Variants in ABCC4 observed in about 807,000 individuals in gnomAD.
ABCC4 encodes the protein ATP-binding cassette sub-family C member 4.
In ABCC4, 102 loss-of-function variants were observed where a neutral mutation model predicts 168.5. The ratio of observed to expected loss-of-function variants is 0.61; its 90% CI spans 0.52 to 0.71. The LOEUF (loss-of-function observed/expected upper bound fraction) is 0.71, where lower values mean the gene tolerates loss of function less well. Among genes scored for constraint, ABCC4 ranks in the 30% least tolerant of loss-of-function variants. The probability of loss-of-function intolerance (pLI) is 0.00; values close to 1 mark genes in which losing one functional copy is unlikely to be tolerated. For missense variants in ABCC4, 1,402 were observed against 1,605.8 expected, an observed-to-expected ratio of 0.87 and a Z score of 2.17; for synonymous variants, 617 against 590.7, an observed-to-expected ratio of 1.04 and a Z score of -0.65.
At chr13:95,037,942 T>G (rs1452594343) in intron 29 of ABCC4, among the ~76,000 whole-genome samples, 1 of 151,882 alleles carries the variant, frequency 6.6e-6, no homozygotes, top group Admixed American at 6.6e-5. Context: ...CTCGGTTCAC[T>G]GCAACCTCCA....
At chr13:95,165,181 T>A (rs532512844) in intron 15 of ABCC4, among the ~76,000 whole-genome samples, 1 of 152,080 alleles carries the variant, frequency 6.6e-6, no homozygotes, top group Non-Finnish European at 1.5e-5. Context: ...TACAAAAAGA[T>A]ATGGAACTCT....
At chr13:95,171,635 C>T (rs1178642369) in intron 13 of ABCC4, among the ~76,000 whole-genome samples, 1 of 151,966 alleles carries the variant, frequency 6.6e-6, no homozygotes, top group Non-Finnish European at 1.5e-5. Flanking sequence ...GAACATAACT[C>T]ATGCTCAATA....
chr13:95,194,989 C>T (rs954342564), intron 8 of ABCC4, 52 bp from the exon 9 acceptor site: 1 of 1,479,110 alleles, frequency 6.8e-7, no homozygotes. Flanking sequence ...AACAAAAGCA[C>T]AAACAAAAGT....
intron 4 of ABCC4, among the ~76,000 whole-genome samples, chr13:95,217,852 C>A (rs1215583398): frequency 1.3e-5 from 2 of 152,164 alleles, no homozygotes; most frequent in East Asian, 3.9e-4. Flanking sequence ...GACAGGGATG[C>A]TCCTCTCACA....
At chr13:95,168,948 T>C (rs780838532) in intron 14 of ABCC4, among the ~76,000 whole-genome samples, 1 of 152,182 alleles carries the variant, frequency 6.6e-6, no homozygotes, top group East Asian at 1.9e-4. Context: ...GATGAGGTCA[T>C]ACTGGAGTAG....
chr13:95,235,970 A>G (rs1484059346), intron 3 of ABCC4, among the ~76,000 whole-genome samples: 1 of 152,202 alleles, frequency 6.6e-6, no homozygotes, highest in African/African-American at 2.4e-5. Flanking sequence ...AGGCAAAATT[A>G]AAATCCCACA....
rs973072279 is a variant in ABCC4, at chr13:95,053,108, T to C, written c.3443A>G (p.Asn1148Ser). The C allele has an allele frequency of 2.0e-5, 32 of 1,613,780 alleles. No homozygotes were observed. Among genetic ancestry groups the C allele is most frequent in the Non-Finnish European group, 2.4e-5 (28 of 1,179,790 alleles). Residue 1148 changes from asparagine to serine, a missense_variant, in exon 27 of 31, where the codon AAT (asparagine) becomes AGT (serine). Coordinates refer to ENST00000645237, the MANE Select transcript of ABCC4 (RefSeq NM_005845.5). The stretch of plus-strand genomic sequence containing the variant: ...TTTATCAATTACCTCTTGTAAGGCA[T>C]TCCACAGTTCCTCATCCGTGTGCTC... ...FNEHTDEELWNALQEVQLKET... is the reference protein window; with the variant it reads ...FNEHTDEELWSALQEVQLKET...
intron 1 of ABCC4, among the ~76,000 whole-genome samples, chr13:95,273,206 C>CAATA (rs1268874052): frequency 6.6e-6 from 1 of 152,174 alleles, no homozygotes; most frequent in Non-Finnish European, 1.5e-5. Context: ...GTCGCCAAAC[C>CAATA]AATAGCACAT....
chr13:95,081,588 C>T (rs971057869), intron 21 of ABCC4, among the ~76,000 whole-genome samples: 2 of 152,198 alleles, frequency 1.3e-5, no homozygotes, highest in Non-Finnish European at 2.9e-5. Context: ...GAAAACCTTA[C>T]AAGACTAGAC....
intron 20 of ABCC4, among the ~76,000 whole-genome samples, chr13:95,113,868 T>G (rs1439889168): frequency 6.6e-6 from 1 of 152,198 alleles, no homozygotes; most frequent in Admixed American, 6.5e-5. Context: ...GAAATGTCCC[T>G]CAAAGAATCA....
intron 19 of ABCC4, among the ~76,000 whole-genome samples, chr13:95,134,404 G>A (rs922902139): frequency 8.5e-5 from 13 of 152,258 alleles, no homozygotes; most frequent in African/African-American, 2.6e-4. Context: ...AAATGCTGCA[G>A]ACTATTCTAG....
At position 95,200,096 on chromosome 13, in the gene ABCC4, C is replaced by A. The variant is rs115745550; in HGVS notation, c.1162-5159G>T. On this transcript the variant is annotated intron_variant, in intron 8 of 30. Coordinates refer to ENST00000645237, the MANE Select transcript of ABCC4 (RefSeq NM_005845.5). ...TTTATTAACCCCCACTTGATGATTC[C>A]CAGGAGGAAGTTCCCAGCAGGAAGG... Among the ~76,000 whole-genome samples, 1,029 of 152,206 alleles carry A rather than the reference C, an allele frequency of 6.8e-3. 7 individuals carry two copies. The highest frequency in any genetic ancestry group is 0.023 in the African/African-American group (962 of 41,506).
chr13:95,176,105 G>A (rs1259227861), intron 13 of ABCC4, among the ~76,000 whole-genome samples: 8 of 151,726 alleles, frequency 5.3e-5, no homozygotes, highest in South Asian at 2.1e-4. Context: ...AGCCAAGCCC[G>A]GCCCTCAGTG....
chr13:95,275,554 T>C (rs2040951131), intron 1 of ABCC4, among the ~76,000 whole-genome samples: 1 of 152,114 alleles, frequency 6.6e-6, no homozygotes, highest in Non-Finnish European at 1.5e-5. Context: ...TCAGGCCTAC[T>C]TCTTTGTAAC....
At chr13:95,034,895 G>A (rs530778417) in intron 29 of ABCC4, among the ~76,000 whole-genome samples, 156 bp from the exon 30 acceptor site, 2 of 152,230 alleles carry the variant, frequency 1.3e-5, no homozygotes, top group East Asian at 3.9e-4. Flanking sequence ...CCTGTTTTAC[G>A]AAGCAAACAA....
chr13:95,130,529 G>A (rs1000884595), intron 19 of ABCC4, among the ~76,000 whole-genome samples: 4 of 152,142 alleles, frequency 2.6e-5, no homozygotes, highest in African/African-American at 4.8e-5. Context: ...TAAACATACC[G>A]TGGCAAAACA....
intron 5 of ABCC4, among the ~76,000 whole-genome samples, 142 bp downstream of exon 5, chr13:95,210,524 ACAGGAGGATCGCACATCACTTGAGCC>A: frequency 6.6e-6 from 1 of 152,176 alleles, no homozygotes. Flanking sequence ...GGAGGCTGAG[ACAGGAGGATCGCACATCACTTGAGCC>A]CAGGAGTTCA....
chr13:95,246,049 C>T (rs2040096869), intron 3 of ABCC4, among the ~76,000 whole-genome samples: 1 of 152,174 alleles, frequency 6.6e-6, no homozygotes, highest in African/African-American at 2.4e-5. Flanking sequence ...CTCTGCATCT[C>T]CTCTAGCAGG....
At chr13:95,162,206 T>C (rs752474081) in intron 18 of ABCC4, among the ~76,000 whole-genome samples, 1 of 152,174 alleles carries the variant, frequency 6.6e-6, no homozygotes. Flanking sequence ...ACATAATAGA[T>C]TTCCTTCTTC....
Sources: gnomAD v4.1 joint callset for allele counts (sites outside exome capture counted in the v4.1 genomes callset) on GRCh38, gnomAD v4.1.1 for gene constraint, MANE v1.5 for transcripts, NCBI Gene and HGNC (gene_info 2026-07-23, HGNC 2026-07-21) for gene names.